Variants in RPS6KC1 observed in about 807,000 individuals in gnomAD.
RPS6KC1 encodes inactive ribosomal protein S6 kinase delta-1.
A neutral mutation model predicts 103.8 loss-of-function variants in RPS6KC1; 54 were observed. That is an observed-to-expected ratio of 0.52 (90% CI 0.42 to 0.65). The LOEUF is 0.65. RPS6KC1 is among the 30% of genes least tolerant of loss of function. RPS6KC1 has a pLI of 0.00. For missense variants in RPS6KC1, 1,151 were observed against 1,253.8 expected (o/e 0.92, Z 1.24); for synonymous variants, 439 against 438.7 (o/e 1.00, Z -0.01).
At chr1:213,061,159 C>T (rs1424981142) in intron 1 of RPS6KC1, among the ~76,000 whole-genome samples, 2 of 152,198 alleles carry the variant, frequency 1.3e-5, no homozygotes, top group Admixed American at 1.3e-4. Flanking sequence ...CTCACATCCA[C>T]ATCCATCACA....
the RPS6KC1 span, among the ~76,000 whole-genome samples, chr1:213,564,518 T>C: frequency 6.6e-6 from 1 of 152,198 alleles, no homozygotes; most frequent in Non-Finnish European, 1.5e-5. Flanking sequence ...GGGGTCATTG[T>C]TCATTTGTGG....
the RPS6KC1 span, among the ~76,000 whole-genome samples, chr1:213,718,956 A>C: frequency 2.6e-5 from 4 of 152,216 alleles, no homozygotes; most frequent in African/African-American, 4.8e-5. Context: ...GAAAGCAAAG[A>C]AGCAGCCCCG....
chr1:213,273,791 A>G lies in RPS6KC1; in HGVS notation c.*1157A>G, dbSNP rs1291788499. The G allele has an allele frequency of 6.6e-6, 1 of 152,220 alleles. No homozygotes were observed. The highest frequency in any genetic ancestry group is 2.4e-5 in the African/African-American group (1 of 41,462). The allele number at this position is 152,220 out of a possible 1,614,324, so 9.4% of individuals were successfully genotyped here. A position where few individuals can be genotyped will look rare whatever the true frequency, so the allele number is the denominator to read the frequency against. ...GCTAAGGTAGCTCCTGTAGTTATGCATTGTTGCAAAAATTTACAAATGTTT... is the reference window on the plus strand; with the variant it reads ...GCTAAGGTAGCTCCTGTAGTTATGCGTTGTTGCAAAAATTTACAAATGTTT... On this transcript the variant is annotated 3_prime_UTR_variant, in exon 15 of 15. Coordinates refer to ENST00000366960, the MANE Select transcript of RPS6KC1 (RefSeq NM_012424.6).
At chr1:213,531,399 C>A in the RPS6KC1 span, among the ~76,000 whole-genome samples, 1 of 152,158 alleles carries the variant, frequency 6.6e-6, no homozygotes, top group Non-Finnish European at 1.5e-5. Flanking sequence ...GTGTCAGGCA[C>A]CACCCTAGGC....
intron 8 of RPS6KC1, among the ~76,000 whole-genome samples, chr1:213,184,783 T>C (rs1573090268): frequency 6.6e-6 from 1 of 152,312 alleles, no homozygotes; most frequent in African/African-American, 2.4e-5. Flanking sequence ...TTAATTTCCG[T>C]GTGTTTCTGT....
At chr1:213,522,435 C>T in the RPS6KC1 span, among the ~76,000 whole-genome samples, 5 of 152,180 alleles carry the variant, frequency 3.3e-5, no homozygotes, top group African/African-American at 1.2e-4. Context: ...TGAGCATTGG[C>T]TTCCACTTAA....
At chr1:213,828,005 C>T in the RPS6KC1 span, among the ~76,000 whole-genome samples, 1 of 152,186 alleles carries the variant, frequency 6.6e-6, no homozygotes, top group Non-Finnish European at 1.5e-5. Context: ...TTCTTTCTCT[C>T]TCTACCTGCT....
chr1:213,713,037 G>T, the RPS6KC1 span, among the ~76,000 whole-genome samples: 1 of 152,126 alleles, frequency 6.6e-6, no homozygotes, highest in Non-Finnish European at 1.5e-5. Flanking sequence ...TGTTGTTCTT[G>T]TGGTGGGGGT....
chr1:213,483,046 C>T, the RPS6KC1 span, among the ~76,000 whole-genome samples: 1 of 152,000 alleles, frequency 6.6e-6, no homozygotes, highest in Admixed American at 6.6e-5. Flanking sequence ...TAGTGAGAGT[C>T]TTTATTATAT....
chr1:213,361,285 G>A, the RPS6KC1 span, among the ~76,000 whole-genome samples: 4 of 152,248 alleles, frequency 2.6e-5, no homozygotes, highest in South Asian at 6.2e-4. Flanking sequence ...CCTTGCTGAC[G>A]CCTTGCAGTT....
chr1:213,253,040 G>A (rs776086925), intron 12 of RPS6KC1, among the ~76,000 whole-genome samples: 1 of 152,098 alleles, frequency 6.6e-6, no homozygotes, highest in African/African-American at 2.4e-5. Flanking sequence ...ATTTAAAAAA[G>A]CCTAGTTAAG....
At chr1:213,130,786 A>G (rs990427092) in intron 6 of RPS6KC1, among the ~76,000 whole-genome samples, 4 of 152,030 alleles carry the variant, frequency 2.6e-5, no homozygotes, top group Admixed American at 1.3e-4. Flanking sequence ...GATTTTGACC[A>G]TTTCTCTTGT....
chr1:213,259,638 G>A (rs188418442), intron 12 of RPS6KC1, among the ~76,000 whole-genome samples: 6 of 150,800 alleles, frequency 4.0e-5, no homozygotes, highest in African/African-American at 1.5e-4. Flanking sequence ...TTTTCTAAAT[G>A]TGTACTTTTA....
chr1:213,257,219 A>G (rs549181107), intron 12 of RPS6KC1, among the ~76,000 whole-genome samples: 5 of 152,298 alleles, frequency 3.3e-5, no homozygotes, highest in African/African-American at 1.2e-4. Flanking sequence ...GAAAACAAAC[A>G]TAACATGTAG....
intron 6 of RPS6KC1, among the ~76,000 whole-genome samples, chr1:213,154,508 C>T (rs1467411978): frequency 6.6e-6 from 1 of 152,228 alleles, no homozygotes; most frequent in African/African-American, 2.4e-5. Flanking sequence ...TTTCTGAAGG[C>T]AGACAAGCCT....
the RPS6KC1 span, among the ~76,000 whole-genome samples, chr1:213,468,910 A>G: frequency 6.6e-6 from 1 of 150,922 alleles, no homozygotes; most frequent in Non-Finnish European, 1.5e-5. Flanking sequence ...CATATGCTTG[A>G]CTCCTGCTGC....
the RPS6KC1 span, among the ~76,000 whole-genome samples, chr1:213,303,274 T>C: frequency 2.0e-5 from 3 of 152,228 alleles, no homozygotes; most frequent in African/African-American, 7.2e-5. Flanking sequence ...GCTTTGTGCC[T>C]GGGATCTGTA....
chr1:213,851,042 T>C, the RPS6KC1 span, among the ~76,000 whole-genome samples: 1 of 152,144 alleles, frequency 6.6e-6, no homozygotes, highest in Non-Finnish European at 1.5e-5. Flanking sequence ...ATTCCCAAAG[T>C]AGCCAGTCCA....
chr1:213,444,340 C>T, the RPS6KC1 span, among the ~76,000 whole-genome samples: 1 of 152,148 alleles, frequency 6.6e-6, no homozygotes, highest in African/African-American at 2.4e-5. Context: ...GGGGCGGGCA[C>T]AGTTCAACTC....
Sources: allele counts gnomAD v4.1 joint callset (sites outside exome capture counted in the v4.1 genomes callset), GRCh38; gene constraint gnomAD v4.1.1; transcripts MANE v1.5; gene names NCBI Gene and HGNC (gene_info 2026-07-23, HGNC 2026-07-21).